The following LOXL2 variants were observed in gnomAD, a reference collection of about 807,000 sequenced individuals.
The protein encoded by LOXL2 is lysyl oxidase like 2.
LOXL2 carries 70 observed loss-of-function variants against 93.0 expected under a neutral mutation model. The observed-to-expected ratio is 0.75, with a 90% CI of 0.62 to 0.92. LOXL2 has a LOEUF of 0.92. Ranked by LOEUF, LOXL2 falls within the 40% of genes least tolerant of loss-of-function variation. LOXL2 has a pLI of 0.00. For synonymous variants in LOXL2, 438 were observed against 413.2 expected (o/e 1.06, Z -0.73); for missense variants, 973 against 1,054.9 (o/e 0.92, Z 1.08).
intron 1 of LOXL2, among the ~76,000 whole-genome samples, chr8:23,369,223 A>C (rs937806358): frequency 2.2e-4 from 34 of 152,300 alleles, no homozygotes; most frequent in African/African-American, 7.9e-4. Flanking sequence ...TGCAATGCTA[A>C]ATGAGTTTTA....
At chr8:23,309,358 C>CA (rs1302230635) in intron 10 of LOXL2, among the ~76,000 whole-genome samples, 1 of 152,186 alleles carries the variant, frequency 6.6e-6, no homozygotes, top group Admixed American at 6.5e-5. Context: ...AACCTGTGGA[C>CA]ACACTTGGAA....
chr8:23,352,794 C>G (rs1232186743), intron 3 of LOXL2, among the ~76,000 whole-genome samples: 1 of 151,854 alleles, frequency 6.6e-6, no homozygotes, highest in East Asian at 1.9e-4. Flanking sequence ...ATGGCTTTCT[C>G]CTCGTTCTGT....
At chr8:23,354,470 T>C (rs1804150029) in intron 3 of LOXL2, among the ~76,000 whole-genome samples, 1 of 152,156 alleles carries the variant, frequency 6.6e-6, no homozygotes, top group African/African-American at 2.4e-5. Flanking sequence ...ACTCTCACAC[T>C]TTGATATGAA....
At chr8:23,304,915 C>T (rs1030000416) in intron 10 of LOXL2, among the ~76,000 whole-genome samples, 3 of 152,090 alleles carry the variant, frequency 2.0e-5, no homozygotes, top group African/African-American at 7.2e-5. Context: ...CGAGGAAATT[C>T]GAGGCTCTTT....
At chr8:23,375,536 C>T (rs1020645039) in intron 1 of LOXL2, among the ~76,000 whole-genome samples, 13 of 152,148 alleles carry the variant, frequency 8.5e-5, no homozygotes, top group Non-Finnish European at 1.6e-4. Context: ...TTACCTTGGG[C>T]AGTATGGCCA....
Position 23,322,218 on chromosome 8 carries a change from C to A in LOXL2, c.1214G>T (p.Cys405Phe). Residue 405 changes from cysteine (C) to phenylalanine (F), a missense_variant, in exon 7 of 14, where the codon TGC becomes TTC. By Grantham distance (205) the Cys-to-Phe change is radical. Transcript: ENST00000389131. ...GCCCTGAGACTCGGCATTGAACTTG[C>A]AGTCTATAATGGACTTCTCATTGCC... Reference protein sequence around the residue: ...CTGNEKSIIDCKFNAESQGCN... With the variant: ...CTGNEKSIIDFKFNAESQGCN... 1 of 1,614,166 alleles carries A rather than the reference C, an allele frequency of 6.2e-7. No individual in the cohort carries two copies. Among genetic ancestry groups the A allele is most frequent in the Non-Finnish European group, 8.5e-7 (1 of 1,179,972 alleles).
chr8:23,305,937 G>A (rs746667582), intron 10 of LOXL2, among the ~76,000 whole-genome samples: 39 of 151,662 alleles, frequency 2.6e-4, no homozygotes, highest in Non-Finnish European at 5.4e-4. Flanking sequence ...TCAGCCTCCC[G>A]AGTAGCTGGG....
At chr8:23,366,404 C>T (rs1371525179) in intron 2 of LOXL2, among the ~76,000 whole-genome samples, 3 of 152,190 alleles carry the variant, frequency 2.0e-5, no homozygotes, top group African/African-American at 7.2e-5. Flanking sequence ...TTTTCAATTG[C>T]ATGGAGGTGA....
intron 1 of LOXL2, among the ~76,000 whole-genome samples, chr8:23,388,931 TACTC>T (rs1804804588): frequency 6.6e-6 from 1 of 152,142 alleles, no homozygotes; most frequent in Non-Finnish European, 1.5e-5. Flanking sequence ...ACCTTGAACT[TACTC>T]AAGGTTCTGA....
chr8:23,378,479 G>A (rs542004263), intron 1 of LOXL2, among the ~76,000 whole-genome samples: 281 of 152,246 alleles, frequency 1.8e-3, no homozygotes, highest in Non-Finnish European at 3.4e-3. Flanking sequence ...GAATTTGAAC[G>A]TTGGCCTGCC....
At chr8:23,300,332 T>C (rs1273533255) in intron 12 of LOXL2, among the ~76,000 whole-genome samples, 1 of 152,230 alleles carries the variant, frequency 6.6e-6, no homozygotes, top group Admixed American at 6.5e-5. Flanking sequence ...GGTTTCTGTA[T>C]GTCTGTGAAT....
At chr8:23,311,421 C>T (rs1321397314) in intron 9 of LOXL2, among the ~76,000 whole-genome samples, 3 of 152,176 alleles carry the variant, frequency 2.0e-5, no homozygotes, top group South Asian at 2.1e-4. Flanking sequence ...TGCCCTACAC[C>T]GAGTGTTCTG....
At chr8:23,342,574 GGC>G (rs1803900153) in intron 3 of LOXL2, among the ~76,000 whole-genome samples, 1 of 151,954 alleles carries the variant, frequency 6.6e-6, no homozygotes, top group Non-Finnish European at 1.5e-5. Flanking sequence ...TGGGACTACA[GGC>G]GCACGCCACC....
intron 3 of LOXL2, among the ~76,000 whole-genome samples, chr8:23,346,151 T>TAAA (rs1167050288): frequency 9.6e-6 from 1 of 103,722 alleles, no homozygotes; most frequent in Non-Finnish European, 1.9e-5. Flanking sequence ...ATAAATAAAA[T>TAAA]AAAATAAAAA....
At chr8:23,308,846 C>T (rs1803273669) in intron 10 of LOXL2, among the ~76,000 whole-genome samples, 2 of 152,060 alleles carry the variant, frequency 1.3e-5, no homozygotes, top group African/African-American at 4.8e-5. Flanking sequence ...GCTGACCTGA[C>T]ATCATGCAGC....
intron 8 of LOXL2, 115 bp downstream of exon 8, chr8:23,319,770 G>T: frequency 3.4e-6 from 4 of 1,184,322 alleles, no homozygotes; most frequent in Non-Finnish European, 4.8e-6. Context: ...AGGGCAACTT[G>T]CTCTGTCCTG....
intron 3 of LOXL2, among the ~76,000 whole-genome samples, chr8:23,343,235 A>G (rs571481251): frequency 1.3e-5 from 2 of 152,240 alleles, no homozygotes; most frequent in Non-Finnish European, 2.9e-5. Flanking sequence ...TAATAGCAAC[A>G]GCTACCGCAA....
chr8:23,318,328 C>G (rs571531417), intron 8 of LOXL2, among the ~76,000 whole-genome samples: 1 of 151,838 alleles, frequency 6.6e-6, no homozygotes, highest in African/African-American at 2.4e-5. Flanking sequence ...ATTGGATGAG[C>G]CAATTCCTTA....
intron 1 of LOXL2, among the ~76,000 whole-genome samples, chr8:23,402,037 C>A (rs549432945): frequency 6.6e-6 from 1 of 152,330 alleles, no homozygotes; most frequent in Admixed American, 6.5e-5. Flanking sequence ...TGCACACATG[C>A]GTGCACACAC....
Sources: gnomAD v4.1 joint callset for allele counts (sites outside exome capture counted in the v4.1 genomes callset) on GRCh38, gnomAD v4.1.1 for gene constraint, MANE v1.5 for transcripts, NCBI Gene and HGNC (gene_info 2026-07-23, HGNC 2026-07-21) for gene names.